Variants in NRXN3 observed in about 807,000 individuals in gnomAD.
The protein encoded by NRXN3 is neurexin 3.
A neutral mutation model predicts 137.6 loss-of-function variants in NRXN3; 32 were observed. That is an observed-to-expected ratio of 0.23 (90% CI 0.18 to 0.31). The LOEUF is 0.31. Ranked by LOEUF, NRXN3 falls within the 10% of genes least tolerant of loss-of-function variation. The pLI, the probability that NRXN3 is intolerant of heterozygous loss-of-function variation, is 1.00. For synonymous variants in NRXN3, 798 were observed against 784.5 expected, an observed-to-expected ratio of 1.02 and a Z score of -0.29; for missense variants, 1,574 against 2,062.5, an observed-to-expected ratio of 0.76 and a Z score of 4.59.
rs796406624 is a variant in NRXN3 at position 78,297,920 on chromosome 14, G to C, written c.757+60G>C. 9.4e-5 allele frequency: 144 copies of C among 1,531,630 alleles called. No homozygotes were observed. In the African/African-American group the frequency reaches 1.7e-3, roughly 18 times the overall value. 94.9% of individuals were successfully genotyped at this position (1,531,630 alleles called of 1,614,324 possible). ...TGAACTGCTTGCCTCCGTGCCTCTGGCTGGTCACAGAGCCTCATCGTCACT... is the reference window on the plus strand; with the variant it reads ...TGAACTGCTTGCCTCCGTGCCTCTGCCTGGTCACAGAGCCTCATCGTCACT... On this transcript the variant is annotated intron_variant, in intron 4 of 20. Coordinates refer to ENST00000335750, the MANE Select transcript of NRXN3 (RefSeq NM_001330195.2).
chr14:78,647,074 C>G (rs2097695334), intron 5 of NRXN3, among the ~76,000 whole-genome samples: 1 of 152,198 alleles, frequency 6.6e-6, no homozygotes, highest in Non-Finnish European at 1.5e-5. Flanking sequence ...GTTTCTCTAC[C>G]TCTCTCCCAC....
chr14:78,641,661 C>G (rs531326533), intron 4 of NRXN3, among the ~76,000 whole-genome samples: 6 of 152,284 alleles, frequency 3.9e-5, no homozygotes, highest in Non-Finnish European at 8.8e-5. Context: ...TAATGCTGAT[C>G]TTGGTAGCCT....
chr14:78,960,292 G>A (rs2099405596), intron 11 of NRXN3, among the ~76,000 whole-genome samples: 1 of 152,124 alleles, frequency 6.6e-6, no homozygotes, highest in African/African-American at 2.4e-5. Flanking sequence ...TAGTGATAAG[G>A]GGTTGGGAAA....
chr14:79,314,433 G>A (rs1304126619), intron 15 of NRXN3, among the ~76,000 whole-genome samples: 1 of 27,170 alleles, frequency 3.7e-5, no homozygotes, highest in Non-Finnish European at 7.7e-5. Context: ...GAATCTCGCT[G>A]ATTGCTAGCA....
At chr14:78,296,932 G>C (rs1170727954) in intron 3 of NRXN3, among the ~76,000 whole-genome samples, 1 of 152,086 alleles carries the variant, frequency 6.6e-6, no homozygotes, top group African/African-American at 2.4e-5. Context: ...CAATACAAGA[G>C]CAGATAACTG....
intron 19 of NRXN3, among the ~76,000 whole-genome samples, chr14:79,795,411 A>G (rs2099158112): frequency 6.6e-6 from 1 of 152,138 alleles, no homozygotes; most frequent in Non-Finnish European, 1.5e-5. Flanking sequence ...GCTTTATGGG[A>G]ACCCATCCTC....
Position 78,455,674 on chromosome 14 carries a change from A to G in NRXN3, c.757+157814A>G, listed in dbSNP as rs149287958. Among the ~76,000 whole-genome samples, 704 of 152,268 alleles carry G rather than the reference A, an allele frequency of 4.6e-3. 11 individuals carry two copies. The highest frequency in any genetic ancestry group is 0.016 in the African/African-American group (671 of 41,550). On this transcript the variant is annotated intron_variant, in intron 4 of 20. Coordinates refer to ENST00000335750, the MANE Select transcript of NRXN3 (RefSeq NM_001330195.2). Reference sequence around the variant, plus strand: ...TATTCTTTTCCAAGTGATAGCCCCAAGAAGTCGATTAGTACTGCTGCCCCA... The same window carrying G: ...TATTCTTTTCCAAGTGATAGCCCCAGGAAGTCGATTAGTACTGCTGCCCCA...
intron 15 of NRXN3, among the ~76,000 whole-genome samples, chr14:79,202,823 G>A (rs1351719731): frequency 6.6e-6 from 1 of 152,086 alleles, no homozygotes; most frequent in Non-Finnish European, 1.5e-5. Flanking sequence ...GCAATTGTGA[G>A]TTGTACTGCT....
chr14:79,776,890 G>A (rs769632668), intron 19 of NRXN3, among the ~76,000 whole-genome samples: 3 of 152,162 alleles, frequency 2.0e-5, no homozygotes, highest in Non-Finnish European at 4.4e-5. Flanking sequence ...AATTGATTTG[G>A]TTGTTCATCT....
At chr14:79,834,741 T>G (rs939276526) in intron 20 of NRXN3, among the ~76,000 whole-genome samples, 3 of 152,240 alleles carry the variant, frequency 2.0e-5, no homozygotes, top group Middle Eastern at 3.4e-3. Flanking sequence ...TAACAGAACT[T>G]GCAGCTGCCA....
chr14:78,392,677 A>G (rs1322626907), intron 4 of NRXN3, among the ~76,000 whole-genome samples: 1 of 152,170 alleles, frequency 6.6e-6, no homozygotes, highest in Non-Finnish European at 1.5e-5. Flanking sequence ...TGCTCTATAC[A>G]TGTAAAATGG....
intron 15 of NRXN3, among the ~76,000 whole-genome samples, chr14:79,145,569 A>G (rs1228270995): frequency 3.3e-5 from 5 of 152,172 alleles, no homozygotes; most frequent in African/African-American, 1.2e-4. Flanking sequence ...TTGTTTTTAT[A>G]CCAGCCTCAA....
chr14:78,884,910 T>C (rs2099138991), intron 10 of NRXN3, among the ~76,000 whole-genome samples: 1 of 151,968 alleles, frequency 6.6e-6, no homozygotes, highest in South Asian at 2.1e-4. Flanking sequence ...AAGATGAAGT[T>C]AACAAAGTGA....
chr14:79,263,797 C>T (rs2078007559), intron 15 of NRXN3, among the ~76,000 whole-genome samples: 1 of 151,946 alleles, frequency 6.6e-6, no homozygotes, highest in South Asian at 2.1e-4. Context: ...TCTTATCCTA[C>T]CATAGATATT....
chr14:78,621,599 A>T (rs1001858375), intron 4 of NRXN3, among the ~76,000 whole-genome samples: 1 of 152,228 alleles, frequency 6.6e-6, no homozygotes, highest in Non-Finnish European at 1.5e-5. Flanking sequence ...TTCCCTCAGA[A>T]AGCATTTGTT....
chr14:78,504,289 AAAC>A (rs2095938904), intron 4 of NRXN3, among the ~76,000 whole-genome samples: 1 of 152,200 alleles, frequency 6.6e-6, no homozygotes, highest in Non-Finnish European at 1.5e-5. Flanking sequence ...ATAATTCTGG[AAAC>A]AACAACTGCA....
At chr14:79,194,366 CTGTT>C (rs1472267484) in intron 15 of NRXN3, among the ~76,000 whole-genome samples, 2 of 152,234 alleles carry the variant, frequency 1.3e-5, no homozygotes, top group Admixed American at 6.5e-5. Context: ...GTACAGCTGA[CTGTT>C]TGTTTTGGGA....
chr14:78,871,992 C>T (rs778915270), intron 10 of NRXN3, among the ~76,000 whole-genome samples: 1 of 151,806 alleles, frequency 6.6e-6, no homozygotes, highest in South Asian at 2.1e-4. Context: ...TACAAGGAAA[C>T]AATAAAACAG....
intron 19 of NRXN3, among the ~76,000 whole-genome samples, chr14:79,795,890 G>A (rs1440500261): frequency 6.6e-6 from 1 of 152,080 alleles, no homozygotes; most frequent in Non-Finnish European, 1.5e-5. Flanking sequence ...TCTTGAGCTT[G>A]CATCTCTTTC....
Sources: allele counts gnomAD v4.1 joint callset (sites outside exome capture counted in the v4.1 genomes callset), GRCh38; gene constraint gnomAD v4.1.1; transcripts MANE v1.5; gene names NCBI Gene and HGNC (gene_info 2026-07-23, HGNC 2026-07-21).